KLHL20: variants seen among roughly 807,000 people sequenced by gnomAD.
KLHL20 encodes the protein kelch like family member 20.
In KLHL20, 29 loss-of-function variants were observed where a neutral mutation model predicts 69.5. The observed-to-expected ratio is 0.42, with a 90% CI of 0.31 to 0.57. KLHL20 has a LOEUF of 0.57. Ranked by LOEUF, KLHL20 falls within the 20% of genes least tolerant of loss-of-function variation. The probability of loss-of-function intolerance (pLI) is 0.18; values close to 1 mark genes in which losing one functional copy is unlikely to be tolerated. For synonymous variants in KLHL20, 253 were observed against 265.2 expected (o/e 0.95, Z 0.45); for missense variants, 419 against 776.0 (o/e 0.54, Z 5.47).
intron 1 of KLHL20, chr1:173,715,313 C>G (rs1373022610): frequency 6.6e-6 from 1 of 152,322 alleles, no homozygotes; most frequent in Admixed American, 6.5e-5. Flanking sequence ...GGGCTTTGTC[C>G]TGCCTGGTGG....
Position 173,735,638 on chromosome 1 carries a change from T to A in KLHL20, c.597+1352T>A, listed in dbSNP as rs576596098. 3.3e-5 allele frequency among the ~76,000 whole-genome samples: 5 copies of A among 151,994 alleles called. No homozygotes were observed. In the East Asian group the frequency reaches 9.7e-4, roughly 29 times the overall value. The stretch of plus-strand genomic sequence containing the variant: ...CCCCTAATAGTTTTTGGAGAACAGG[T>A]GGTGTTTGATTATATGAATAAGTTC... On this transcript the variant is annotated intron_variant, in intron 3 of 11. Coordinates refer to ENST00000209884, the MANE Select transcript of KLHL20 (RefSeq NM_014458.4).
At chr1:173,751,673 A>G in intron 3 of KLHL20, 91 bp from the exon 4 acceptor site, 2 of 1,281,238 alleles carry the variant, frequency 1.6e-6, no homozygotes, top group Non-Finnish European at 2.2e-6. Context: ...GCATTGTAGA[A>G]TACAGCTTTG....
intron 8 of KLHL20, among the ~76,000 whole-genome samples, chr1:173,767,724 A>C (rs1647819080): frequency 1.3e-5 from 2 of 152,030 alleles, no homozygotes; most frequent in South Asian, 2.1e-4. Context: ...CCCATTTTTA[A>C]ATCAGATTAT....
At chr1:173,756,153 G>A in intron 6 of KLHL20, 115 bp downstream of exon 6, 1 of 717,580 alleles carries the variant, frequency 1.4e-6, no homozygotes, top group East Asian at 2.7e-5. Context: ...CAAATAATAA[G>A]TCAGCATATA....
In KLHL20 at chr1:173,775,828, T is replaced by C; in HGVS notation, c.1624T>C (p.Ser542Pro). 6.2e-7 allele frequency: 1 copy of C among 1,614,116 alleles called. No individual in the cohort carries two copies. Among genetic ancestry groups the C allele is most frequent in the South Asian group, 1.1e-5 (1 of 91,076 alleles). ...GTGGTCTCCAGTGGTGGCCATGACA[T>C]CACGCCGTAGTGGAGTAAGTGGTTA... ...NQWSPVVAMT[S>P]RRSGVGLAVV... The change falls in exon 10 of 12, where the codon TCA (serine) becomes CCA (proline). Residue 542 changes from serine to proline, a missense_variant. Around this residue, in one of 6 missense-constraint regions of KLHL20, gnomAD observed 79 missense variants for 154.4 expected, o/e 0.51. Coordinates refer to ENST00000209884, the MANE Select transcript of KLHL20 (RefSeq NM_014458.4).
At chr1:173,777,544 G>A (rs115706453) in intron 10 of KLHL20, among the ~76,000 whole-genome samples, 5,444 of 152,146 alleles carry the variant, frequency 0.036, 343 homozygotes, top group African/African-American at 0.12. Context: ...GCTATCTGTG[G>A]GTCTGTCATA....
At chr1:173,766,954 C>T (rs1571919474) in intron 8 of KLHL20, among the ~76,000 whole-genome samples, 1 of 151,954 alleles carries the variant, frequency 6.6e-6, no homozygotes, top group Non-Finnish European at 1.5e-5. Flanking sequence ...GTGTATAATA[C>T]GTTGTTATTA....
chr1:173,720,819 A>G (rs1341043521), intron 2 of KLHL20, among the ~76,000 whole-genome samples: 3 of 152,184 alleles, frequency 2.0e-5, no homozygotes, highest in African/African-American at 7.2e-5. Context: ...AAAGAAAAAT[A>G]CAGGAAGAGG....
intron 2 of KLHL20, among the ~76,000 whole-genome samples, chr1:173,726,927 G>A (rs1027826170): frequency 1.3e-5 from 2 of 152,248 alleles, no homozygotes; most frequent in Non-Finnish European, 1.5e-5. Context: ...AGAGAAGAAG[G>A]CTTCAGACTA....
At chr1:173,728,984 G>A (rs1307703919) in intron 2 of KLHL20, among the ~76,000 whole-genome samples, 12 of 152,208 alleles carry the variant, frequency 7.9e-5, no homozygotes, top group African/African-American at 2.9e-4. Flanking sequence ...CCGCTAGCAA[G>A]ACTAATAAAG....
At position 173,759,244 on chromosome 1, in the gene KLHL20, T is replaced by A. The variant is rs189621209; in HGVS notation, c.1151+2085T>A. Among the ~76,000 whole-genome samples, 13 of 150,294 alleles carry A rather than the reference T, an allele frequency of 8.6e-5. No homozygotes were observed. The East Asian group carries it at 2.0e-3, about 23-fold the overall frequency. On this transcript the variant is annotated intron_variant, in intron 7 of 11. Coordinates refer to ENST00000209884, the MANE Select transcript of KLHL20 (RefSeq NM_014458.4). The stretch of plus-strand genomic sequence containing the variant: ...CGCAACAAGACCCGCCCAAGGAGAG[T>A]CTGAGCTCAGACATGCCTAATCCTG...
chr1:173,729,282 T>C (rs1387134216), intron 2 of KLHL20, among the ~76,000 whole-genome samples: 1 of 152,196 alleles, frequency 6.6e-6, no homozygotes, highest in Admixed American at 6.5e-5. Flanking sequence ...ACAGCCGAAT[T>C]CTACCAGAGG....
At chr1:173,724,616 A>G (rs1313831522) in intron 2 of KLHL20, among the ~76,000 whole-genome samples, 1 of 152,196 alleles carries the variant, frequency 6.6e-6, no homozygotes, top group African/African-American at 2.4e-5. Context: ...TTAGCACCTG[A>G]ATTTCTACAT....
intron 3 of KLHL20, 71 bp from the exon 4 acceptor site, chr1:173,751,693 C>A (rs1673322073): frequency 2.0e-6 from 3 of 1,475,888 alleles, no homozygotes; most frequent in Non-Finnish European, 1.9e-6. Context: ...GTCCCATAAC[C>A]CTGAAGAAAA....
chr1:173,764,723 G>T (rs1351854970), intron 7 of KLHL20, among the ~76,000 whole-genome samples: 1 of 152,042 alleles, frequency 6.6e-6, no homozygotes, highest in African/African-American at 2.4e-5. Context: ...TGGGGACTTG[G>T]GGGGAAGAGT....
chr1:173,751,992 C>T (rs1430297907), intron 4 of KLHL20, 70 bp downstream of exon 4: 3 of 1,440,738 alleles, frequency 2.1e-6, no homozygotes, highest in African/African-American at 1.4e-5. Flanking sequence ...AATCCCAGCA[C>T]TTTGGGAGGC....
chr1:173,725,033 T>C (rs1158809685), intron 2 of KLHL20, among the ~76,000 whole-genome samples: 2 of 152,122 alleles, frequency 1.3e-5, no homozygotes, highest in East Asian at 3.9e-4. Context: ...TATTTGACTC[T>C]TCTTCTTGAT....
chr1:173,747,197 G>A (rs1673102300), intron 3 of KLHL20, among the ~76,000 whole-genome samples: 1 of 151,980 alleles, frequency 6.6e-6, no homozygotes, highest in African/African-American at 2.4e-5. Context: ...TATTTGATAT[G>A]TATGCATAAG....
intron 3 of KLHL20, among the ~76,000 whole-genome samples, chr1:173,737,756 G>T (rs1421970484): frequency 6.6e-6 from 1 of 152,062 alleles, no homozygotes; most frequent in African/African-American, 2.4e-5. Context: ...AAGAATGATG[G>T]TGGTATTTTT....
Sources: allele counts gnomAD v4.1 joint callset (sites outside exome capture counted in the v4.1 genomes callset), GRCh38; gene constraint gnomAD v4.1.1; regional missense constraint gnomAD v4.1.1; transcripts MANE v1.5; gene names NCBI Gene and HGNC (gene_info 2026-07-23, HGNC 2026-07-21).